TEC: variants seen among roughly 807,000 people sequenced by gnomAD.
TEC encodes the protein tyrosine-protein kinase Tec.
TEC carries 72 observed loss-of-function variants against 93.0 expected under a neutral mutation model. The observed-to-expected ratio is 0.77, with a 90% CI of 0.64 to 0.94. TEC has a LOEUF of 0.94. Ranked by LOEUF, TEC falls within the 40% of genes least tolerant of loss-of-function variation. TEC has a pLI of 0.00. For synonymous variants in TEC, 249 were observed against 247.7 expected, an observed-to-expected ratio of 1.01 and a Z score of -0.05; for missense variants, 630 against 757.9, an observed-to-expected ratio of 0.83 and a Z score of 1.98.
In TEC at chr4:48,136,670, AG is replaced by A. The variant is rs1350161601; in HGVS notation, c.*745del. The A allele has an allele frequency of 6.6e-6, 1 of 152,310 alleles. No individual in the cohort carries two copies. The highest frequency in any genetic ancestry group is 6.5e-5 in the Admixed American group (1 of 15,304). 9.4% of individuals were successfully genotyped at this position (152,310 alleles called of 1,614,324 possible). ...GGGGGCGTTACTCATAGAAGAATCT[AG>A]ACTTTCTTCTCTTCAGGCATATTTG... On this transcript the variant is annotated 3_prime_UTR_variant, in exon 18 of 18. Transcript: ENST00000381501.
Position 48,136,647 on chromosome 4 carries a change from G to C in TEC, c.*769C>G, listed in dbSNP as rs1719433990. 1 of 152,096 alleles carries C rather than the reference G, an allele frequency of 6.6e-6. No homozygotes were observed. The allele number at this position is 152,096 out of a possible 1,614,324, so 9.4% of individuals were successfully genotyped here. On this transcript the variant is annotated 3_prime_UTR_variant, in exon 18 of 18. Coordinates refer to ENST00000381501, the MANE Select transcript of TEC (RefSeq NM_003215.3). ...AGACACATTTACCTGAGTGAGGAGGGGGCGTTACTCATAGAAGAATCTAGA... is the reference window on the plus strand; with the variant it reads ...AGACACATTTACCTGAGTGAGGAGGCGGCGTTACTCATAGAAGAATCTAGA...
intron 3 of TEC, among the ~76,000 whole-genome samples, chr4:48,171,888 G>C (rs955279202): frequency 6.6e-6 from 1 of 152,228 alleles, no homozygotes; most frequent in South Asian, 2.1e-4. Flanking sequence ...TGTGCTGTGT[G>C]CTTTACAGAC....
intron 14 of TEC, among the ~76,000 whole-genome samples, chr4:48,143,104 T>C (rs6844543): frequency 0.32 from 48,563 of 152,114 alleles, 8,600 homozygotes; most frequent in East Asian, 0.68. Context: ...TGAGTGCATT[T>C]TAAGAGTCTT....
chr4:48,225,290 T>A (rs1723411247), intron 2 of TEC, among the ~76,000 whole-genome samples: 1 of 152,156 alleles, frequency 6.6e-6, no homozygotes, highest in Admixed American at 6.6e-5. Context: ...TTCTCTTGCC[T>A]CAGCCTCCTG....
At chr4:48,203,927 C>T (rs1722617127) in intron 2 of TEC, among the ~76,000 whole-genome samples, 1 of 152,178 alleles carries the variant, frequency 6.6e-6, no homozygotes, top group African/African-American at 2.4e-5. Flanking sequence ...CTGTACAACG[C>T]AAGGAGCCAT....
At chr4:48,214,135 C>G (rs374595306) in intron 2 of TEC, among the ~76,000 whole-genome samples, 12 of 152,136 alleles carry the variant, frequency 7.9e-5, no homozygotes, top group African/African-American at 2.9e-4. Context: ...CTAATGGGTG[C>G]GAGGTATTGT....
At chr4:48,201,578 AATTATT>A (rs998108477) in intron 2 of TEC, among the ~76,000 whole-genome samples, 7 of 152,266 alleles carry the variant, frequency 4.6e-5, no homozygotes, top group African/African-American at 1.7e-4. Context: ...GATACACACT[AATTATT>A]TATTGCACAA....
At chr4:48,191,108 T>C (rs1577738588) in intron 2 of TEC, among the ~76,000 whole-genome samples, 1 of 152,218 alleles carries the variant, frequency 6.6e-6, no homozygotes, top group South Asian at 2.1e-4. Context: ...TAACCTCTTC[T>C]AGTCTCTATT....
At position 48,228,597 on chromosome 4, in the gene TEC, A is replaced by T; in HGVS notation, c.18T>A (p.Ile6=). Residue 6 remains isoleucine (I), a synonymous_variant, in exon 2 of 18, where the codon ATT becomes ATA. Coordinates refer to ENST00000381501, the MANE Select transcript of TEC (RefSeq NM_003215.3). MNFNT[I]LEEILIKRSQ... Reference sequence around the variant, plus strand: ...ACCTTTTAATAAGAATCTCCTCCAAAATAGTGTTAAAATTCATCTCCGTCT... The same window carrying T: ...ACCTTTTAATAAGAATCTCCTCCAATATAGTGTTAAAATTCATCTCCGTCT... The T allele has an allele frequency of 6.2e-7, 1 of 1,613,368 alleles. No homozygotes were observed. The highest frequency in any genetic ancestry group is 2.2e-5 in the East Asian group (1 of 44,834).
intron 1 of TEC, among the ~76,000 whole-genome samples, chr4:48,229,989 C>A (rs1272799764): frequency 6.6e-6 from 1 of 151,656 alleles, no homozygotes; most frequent in Non-Finnish European, 1.5e-5. Context: ...GCAGGAGAAT[C>A]GCTTGAACCT....
At chr4:48,150,011 T>G (rs1411749089) in intron 10 of TEC, among the ~76,000 whole-genome samples, 1 of 152,232 alleles carries the variant, frequency 6.6e-6, no homozygotes, top group Non-Finnish European at 1.5e-5. Context: ...TTGCATAAAC[T>G]TACAAATGTC....
intron 1 of TEC, among the ~76,000 whole-genome samples, chr4:48,256,515 C>T (rs567555393): frequency 1.3e-5 from 2 of 150,684 alleles, no homozygotes; most frequent in African/African-American, 4.9e-5. Flanking sequence ...ATCGCTTGAC[C>T]CTGGAAGGTC....
chr4:48,243,333 C>T (rs1299734249), intron 1 of TEC, among the ~76,000 whole-genome samples: 2 of 152,300 alleles, frequency 1.3e-5, no homozygotes, highest in South Asian at 2.1e-4. Flanking sequence ...CATTTATTTG[C>T]TGCATAACTT....
At chr4:48,218,762 T>A (rs1258807469) in intron 2 of TEC, among the ~76,000 whole-genome samples, 1 of 152,132 alleles carries the variant, frequency 6.6e-6, no homozygotes, top group Non-Finnish European at 1.5e-5. Context: ...AAAACCAATA[T>A]GACCCAGGAG....
intron 2 of TEC, among the ~76,000 whole-genome samples, chr4:48,182,451 C>T (rs962983311): frequency 1.3e-5 from 2 of 151,774 alleles, no homozygotes; most frequent in Non-Finnish European, 2.9e-5. Flanking sequence ...ATGAATCTGC[C>T]GAGCTAAGAA....
intron 2 of TEC, among the ~76,000 whole-genome samples, chr4:48,202,313 C>T (rs1235077808): frequency 6.6e-6 from 1 of 152,176 alleles, no homozygotes; most frequent in East Asian, 1.9e-4. Flanking sequence ...TGCCTGTAAT[C>T]CCAGCACTTT....
intron 1 of TEC, among the ~76,000 whole-genome samples, chr4:48,267,634 T>C (rs921047292): frequency 2.0e-5 from 3 of 152,194 alleles, no homozygotes; most frequent in African/African-American, 7.2e-5. Flanking sequence ...GATCTGGGTT[T>C]GACTTCAGTA....
At position 48,138,686 on chromosome 4, in the gene TEC, C is replaced by A; in HGVS notation, c.1791G>T (p.Val597=). ...ATACCTCCTGCCAACATCTCAGCAT[C>A]ACCTCATACACATAGTTGGACGCCA... The part of the protein sequence containing the change: ...PKLASNYVYE[V]MLRCWQEKPE... The change falls in exon 17 of 18, where the codon GTG becomes GTT. Residue 597 remains valine, a synonymous_variant. Transcript: ENST00000381501. 6.2e-7 allele frequency: 1 copy of A among 1,610,662 alleles called. No individual in the cohort carries two copies.
At chr4:48,203,894 A>T (rs189146191) in intron 2 of TEC, among the ~76,000 whole-genome samples, 107 of 152,342 alleles carry the variant, frequency 7.0e-4, no homozygotes, top group African/African-American at 2.5e-3. Context: ...AGACACAGGG[A>T]GGAGCTGAGT....
Sources: gnomAD v4.1 joint callset for allele counts (sites outside exome capture counted in the v4.1 genomes callset) on GRCh38, gnomAD v4.1.1 for gene constraint, MANE v1.5 for transcripts, NCBI Gene and HGNC (gene_info 2026-07-23, HGNC 2026-07-21) for gene names.